Variants in SETD1B observed in about 807,000 individuals in gnomAD.
The protein encoded by SETD1B is SET domain containing 1B, histone lysine methyltransferase.
A neutral mutation model predicts 148.0 loss-of-function variants in SETD1B; 7 were observed. The observed-to-expected ratio is 0.05, with a 90% CI of 0.03 to 0.09. The LOEUF is 0.09. Among genes scored for constraint, SETD1B ranks in the 10% least tolerant of loss-of-function variants. The pLI is 1.00. For synonymous variants in SETD1B, 1,361 were observed against 1,186.5 expected (o/e 1.15, Z -3.02); for missense variants, 2,155 against 2,729.9 (o/e 0.79, Z 4.69).
At chr12:121,818,542 G>A (rs569952427) in intron 10 of SETD1B, among the ~76,000 whole-genome samples, 4 of 151,454 alleles carry the variant, frequency 2.6e-5, no homozygotes, top group South Asian at 4.2e-4. Context: ...CAGCCTGGGT[G>A]ACAGAGTGAC....
intron 6 of SETD1B, among the ~76,000 whole-genome samples, chr12:121,813,523 C>T (rs1335639560): frequency 2.6e-5 from 4 of 152,162 alleles, no homozygotes; most frequent in Admixed American, 2.6e-4. Flanking sequence ...ATTCTCTGTG[C>T]CCCAGTTTCC....
chr12:121,823,822 C>A, intron 12 of SETD1B, 73 bp downstream of exon 12: 30 of 1,473,806 alleles, frequency 2.0e-5, no homozygotes, highest in Non-Finnish European at 2.7e-5. Context: ...CTGGGCCCCA[C>A]CACCCAGTCT....
At chr12:121,819,109 T>G (rs1876441091) in intron 10 of SETD1B, among the ~76,000 whole-genome samples, 1 of 151,844 alleles carries the variant, frequency 6.6e-6, no homozygotes, top group Non-Finnish European at 1.5e-5. Flanking sequence ...CCGGGCGTGG[T>G]GGTGCATGCC....
Position 121,817,083 on chromosome 12 carries a change from G to A in SETD1B, c.2766G>A (p.Pro922=), listed in dbSNP as rs369609061. The stretch of plus-strand genomic sequence containing the variant: ...GCGAGCACAAGGACGAGGACAGGCC[G>A]AAGCCCAAGGACCGCATCGCCTCGT... ...KSGEHKDEDR[P]KPKDRIASCL... The change falls in exon 8 of 17, where the codon CCG becomes CCA. Residue 922 remains proline (P), a synonymous_variant. Transcript: ENST00000604567. The surrounding 1 kb of genome is among the most constrained non-coding windows in gnomAD (Gnocchi z 8.1). 72 of 1,547,516 alleles carry A rather than the reference G, an allele frequency of 4.7e-5. No individual in the cohort carries two copies. Among genetic ancestry groups the A allele is most frequent in the African/African-American group, 1.2e-4 (9 of 73,008 alleles).
chr12:121,828,133 A>G (rs1876929295), intron 16 of SETD1B, 63 bp downstream of exon 16: 5 of 1,534,158 alleles, frequency 3.3e-6, no homozygotes, highest in Middle Eastern at 1.7e-4. Flanking sequence ...CTTCTGTGCC[A>G]GGAGGGCCTG....
upstream of SETD1B, chr12:121,802,335 C>A (rs1001751091): frequency 2.0e-5 from 3 of 152,158 alleles, no homozygotes; most frequent in African/African-American, 7.2e-5. Flanking sequence ...TGCGTCAGGA[C>A]AGAATGGATT....
In SETD1B at chr12:121,827,613, G is replaced by A. The variant is rs1162965186; in HGVS notation, c.5432G>A (p.Ser1811Asn). 1 of 1,551,332 alleles carries A rather than the reference G, an allele frequency of 6.4e-7. No homozygotes were observed. The highest frequency in any genetic ancestry group is 2.0e-5 in the Admixed American group (1 of 50,990). Residue 1811 changes from serine to asparagine, a missense_variant, in exon 14 of 17, where the codon AGC (serine) becomes AAC (asparagine). Coordinates refer to ENST00000604567, the MANE Select transcript of SETD1B (RefSeq NM_001353345.2). Reference protein sequence around the residue: ...QRRLLSSFTGSCDSDLLKFNQ... With the variant: ...QRRLLSSFTGNCDSDLLKFNQ... Reference sequence around the variant, plus strand: ...CGCCTGCTGTCCTCCTTCACTGGCAGCTGTGACAGTGACCTGCTCAAGTTC... The same window carrying A: ...CGCCTGCTGTCCTCCTTCACTGGCAACTGTGACAGTGACCTGCTCAAGTTC...
chr12:121,828,007 T>C lies in SETD1B; in HGVS notation c.5664T>C (p.His1888=), dbSNP rs2137589808. The part of the protein sequence containing the change: ...IGSSYMFRVD[H]DTIIDATKCG... ...GCAGCTACATGTTCCGGGTGGACCA[T>C]GACACCATCATCGACGCCACCAAGT... Residue 1888 remains histidine (H), a synonymous_variant, in exon 16 of 17, where the codon CAT becomes CAC. Coordinates refer to ENST00000604567, the MANE Select transcript of SETD1B (RefSeq NM_001353345.2). 1.3e-6 allele frequency: 2 copies of C among 1,552,170 alleles called. No individual in the cohort carries two copies. Among genetic ancestry groups the C allele is most frequent in the Non-Finnish European group, 1.7e-6 (2 of 1,147,154 alleles).
Position 121,808,406 on chromosome 12 carries a change from G to A in SETD1B, c.657+86G>A. 1.2e-6 allele frequency: 1 copy of A among 855,850 alleles called. No individual in the cohort carries two copies. Among genetic ancestry groups the A allele is most frequent in the South Asian group, 1.6e-5 (1 of 62,244 alleles). 53.0% of individuals were successfully genotyped at this position (855,850 alleles called of 1,614,324 possible). ...GAAAGCCTCACCAACTCTCTTATGG[G>A]ACCCCCAGCCTACCCCCACCTCACT... On this transcript the variant is annotated intron_variant, in intron 5 of 16. Coordinates refer to ENST00000604567, the MANE Select transcript of SETD1B (RefSeq NM_001353345.2). This position sits in a 1 kb window ranked among gnomAD's most constrained non-coding sequence, Gnocchi z 5.3.
chr12:121,809,973 C>G lies in SETD1B; in HGVS notation c.1028C>G (p.Thr343Arg). ...GCGGTCACTGCGGTGGCCGGGGCCA[C>G]AGCCGCTTTCCGGGGTTCCTCGGAC... is the stretch of plus-strand genomic sequence containing the variant. ...SPAVTAVAGA[T>R]AAFRGSSDLP... Residue 343 changes from threonine (T) to arginine (R), a missense_variant, in exon 6 of 17, where the codon ACA (threonine) becomes AGA (arginine). This residue lies in a region of SETD1B where 376 missense variants were observed against 385.0 expected (regional missense o/e 0.98). Coordinates refer to ENST00000604567, the MANE Select transcript of SETD1B (RefSeq NM_001353345.2). 6.4e-7 allele frequency: 1 copy of G among 1,550,964 alleles called. No individual in the cohort carries two copies. Among genetic ancestry groups the G allele is most frequent in the Non-Finnish European group, 8.7e-7 (1 of 1,146,954 alleles).
intron 11 of SETD1B, 149 bp downstream of exon 11, chr12:121,820,044 C>T (rs962394874): frequency 4.3e-5 from 30 of 692,114 alleles, no homozygotes; most frequent in African/African-American, 3.1e-4. Context: ...GTGCCTCCCT[C>T]GAGCGAGATG....
chr12:121,823,760 G>T lies in SETD1B; in HGVS notation c.5170+11G>T. The T allele has an allele frequency of 6.5e-7, 1 of 1,535,948 alleles. No homozygotes were observed. Among genetic ancestry groups the T allele is most frequent in the Non-Finnish European group, 8.8e-7 (1 of 1,137,716 alleles). On this transcript the variant is annotated intron_variant, in intron 12 of 16. Coordinates refer to ENST00000604567, the MANE Select transcript of SETD1B (RefSeq NM_001353345.2). ...GGGTCTACCATCCCTATATCCTGCT[G>T]GCATGGGGGGCTCTGCACCTTCTGG... is the stretch of plus-strand genomic sequence containing the variant.
chr12:121,794,427 C>T, the SETD1B span: 1 of 152,272 alleles, frequency 6.6e-6, no homozygotes, highest in Non-Finnish European at 1.5e-5. Context: ...CGGCAGGAGC[C>T]AGAGGCGTGA....
Position 121,819,871 on chromosome 12 carries a change from C to T in SETD1B, c.3886C>T (p.Pro1296Ser). Reference sequence around the variant, plus strand: ...TGCCAAGGAGGTGGAGGCTCGACCCCCATTGTCCCCTGAGCGAGCTCCAGG... The same window carrying T: ...TGCCAAGGAGGTGGAGGCTCGACCCTCATTGTCCCCTGAGCGAGCTCCAGG... ...PPAKEVEARPPLSPERAPEHD... is the reference protein window; with the variant it reads ...PPAKEVEARPSLSPERAPEHD... The change falls in exon 11 of 17, where the codon CCA becomes TCA. Residue 1296 changes from proline to serine, a missense_variant. Around this residue, in one of 11 missense-constraint regions of SETD1B, gnomAD observed 862 missense variants for 873.8 expected, o/e 0.99. Transcript: ENST00000604567. 4 of 1,550,994 alleles carry T rather than the reference C, an allele frequency of 2.6e-6. No homozygotes were observed. The highest frequency in any genetic ancestry group is 4.9e-5 in the East Asian group (2 of 40,914).
At chr12:121,815,538 C>G (rs1876252152) in intron 7 of SETD1B, among the ~76,000 whole-genome samples, 1 of 152,080 alleles carries the variant, frequency 6.6e-6, no homozygotes, top group African/African-American at 2.4e-5. Flanking sequence ...GAGACAGGGT[C>G]TCGCTGTATC....
intron 13 of SETD1B, among the ~76,000 whole-genome samples, chr12:121,826,133 A>T (rs1459046431): frequency 6.6e-6 from 1 of 151,838 alleles, no homozygotes; most frequent in African/African-American, 2.4e-5. Context: ...CTGATCTGGA[A>T]CTCCTGGGCT....
rs1314900473 is a variant in SETD1B at position 121,832,057 on chromosome 12, G to A, written c.*1818G>A. ...GTTTTCTGCCTAATTGTGCAACTGA[G>A]GAAATAATTTATTTTTCACATGAGG... On this transcript the variant is annotated 3_prime_UTR_variant, in exon 17 of 17. Coordinates refer to ENST00000604567, the MANE Select transcript of SETD1B (RefSeq NM_001353345.2). 1 of 152,106 alleles carries A rather than the reference G, an allele frequency of 6.6e-6. No individual in the cohort carries two copies. The highest frequency in any genetic ancestry group is 1.5e-5 in the Non-Finnish European group (1 of 68,028). 9.4% of individuals were successfully genotyped at this position (152,106 alleles called of 1,614,324 possible).
intron 6 of SETD1B, among the ~76,000 whole-genome samples, chr12:121,812,824 C>T (rs1318758689): frequency 6.6e-6 from 1 of 152,078 alleles, no homozygotes; most frequent in Non-Finnish European, 1.5e-5. Flanking sequence ...GAGCTTCCTG[C>T]CGCTGCCTTA....
At position 121,805,065 on chromosome 12, in the gene SETD1B, C is replaced by G. The variant is rs948971965; in HGVS notation, c.175-53C>G. ...AAGTGCCTCGAGAAAGGGGTCTGCC[C>G]ATGGGGAGGGGGACCAGTTCTCTCA... On this transcript the variant is annotated intron_variant, in intron 2 of 16. Transcript: ENST00000604567. The surrounding 1 kb of genome is among the most constrained non-coding windows in gnomAD (Gnocchi z 4.2). The G allele has an allele frequency of 5.2e-6, 8 of 1,524,390 alleles. No individual in the cohort carries two copies. In the East Asian group the frequency reaches 2.0e-4, roughly 37 times the overall value. 94.4% of individuals were successfully genotyped at this position (1,524,390 alleles called of 1,614,324 possible). A position where few individuals can be genotyped will look rare whatever the true frequency, so the allele number is the denominator to read the frequency against.
Sources: allele counts gnomAD v4.1 joint callset (sites outside exome capture counted in the v4.1 genomes callset), GRCh38; gene constraint gnomAD v4.1.1; regional missense constraint gnomAD v4.1.1; non-coding constraint Gnocchi (gnomAD v3.1); transcripts MANE v1.5; gene names NCBI Gene and HGNC (gene_info 2026-07-23, HGNC 2026-07-21).